Variants in DNAH8 observed in about 807,000 individuals in gnomAD.
DNAH8 encodes the protein dynein axonemal heavy chain 8, also known as axonemal beta dynein heavy chain 8.
Under a neutral mutation model 562.1 loss-of-function variants are expected in DNAH8, and 382 were observed. The ratio of observed to expected loss-of-function variants is 0.68; its 90% CI spans 0.63 to 0.74. The LOEUF (loss-of-function observed/expected upper bound fraction) is 0.74, where lower values mean the gene tolerates loss of function less well. DNAH8 is among the 30% of genes least tolerant of loss of function. The pLI is 0.00. For synonymous variants in DNAH8, 1,881 were observed against 1,919.4 expected, an observed-to-expected ratio of 0.98 and a Z score of 0.52; for missense variants, 5,203 against 5,620.4, an observed-to-expected ratio of 0.93 and a Z score of 2.37.
intron 59 of DNAH8, among the ~76,000 whole-genome samples, 184 bp downstream of exon 59, chr6:38,895,048 C>T (rs1184513396): frequency 1.3e-5 from 2 of 152,160 alleles, no homozygotes; most frequent in Admixed American, 1.3e-4. Context: ...CCAACTTCAG[C>T]CTCCCCCGTA....
chr6:38,827,246 C>T (rs1156646566), intron 29 of DNAH8, among the ~76,000 whole-genome samples: 1 of 152,130 alleles, frequency 6.6e-6, no homozygotes. Flanking sequence ...GGTAATCTCC[C>T]CATGGCAAGC....
chr6:38,815,797 A>G (rs760008884), intron 26 of DNAH8, 140 bp downstream of exon 26: 135 of 783,864 alleles, frequency 1.7e-4, no homozygotes, highest in Non-Finnish European at 2.2e-4. Flanking sequence ...ACGTGCAGGC[A>G]TTTTTTCCTG....
intron 82 of DNAH8, among the ~76,000 whole-genome samples, chr6:38,958,646 C>CAAAAAA (rs35382684): frequency 2.0e-4 from 12 of 58,842 alleles, no homozygotes; most frequent in South Asian, 6.6e-4. Context: ...AGTCTCCCAT[C>CAAAAAA]AAAAAAAAAA....
At chr6:38,983,348 G>C (rs1583504274) in intron 86 of DNAH8, among the ~76,000 whole-genome samples, 1 of 152,244 alleles carries the variant, frequency 6.6e-6, no homozygotes, top group African/African-American at 2.4e-5. Flanking sequence ...TCCGTAATGG[G>C]GTGGTAAGCC....
At chr6:38,927,906 A>T (rs150688687) in intron 74 of DNAH8, 1 of 152,228 alleles carries the variant, frequency 6.6e-6, no homozygotes, top group African/African-American at 2.4e-5. Context: ...CACTGCTGGG[A>T]TGGAAATAGA....
chr6:38,884,042 T>C (rs754020805), intron 56 of DNAH8, 44 bp downstream of exon 56: 1 of 1,263,212 alleles, frequency 7.9e-7, no homozygotes, highest in Non-Finnish European at 1.0e-6. Flanking sequence ...AATTTGTATT[T>C]TTATGTATAT....
chr6:38,792,997 G>C (rs2127659743), intron 21 of DNAH8, among the ~76,000 whole-genome samples: 1 of 152,176 alleles, frequency 6.6e-6, no homozygotes, highest in Non-Finnish European at 1.5e-5. Flanking sequence ...ACCCAGGCTG[G>C]TCTTGAACTC....
rs1271186054 is a variant in DNAH8, at chr6:38,863,988, A to T, written c.6426A>T (p.Arg2142Ser). 4 of 1,612,096 alleles carry T rather than the reference A, an allele frequency of 2.5e-6. No homozygotes were observed. The highest frequency in any genetic ancestry group is 3.4e-6 in the Non-Finnish European group (4 of 1,179,672). The change falls in exon 45 of 93, where the codon AGA becomes AGT. Residue 2142 changes from arginine (R) to serine (S), a missense_variant. Arg to Ser is a moderately radical substitution (Grantham distance 110, BLOSUM62 -1). Coordinates refer to ENST00000327475, the MANE Select transcript of DNAH8 (RefSeq NM_001206927.2). The stretch of plus-strand genomic sequence containing the variant: ...TTGTTTTGACAGCAAGAAAAGAAAG[A>T]AAGAAACAGTTCATTTTTTCTGATG... ...IYIVLTARKE[R>S]KKQFIFSDGD... is the part of the protein sequence containing the mutation.
At chr6:38,785,076 A>G (rs907437941) in intron 17 of DNAH8, among the ~76,000 whole-genome samples, 5 of 152,256 alleles carry the variant, frequency 3.3e-5, no homozygotes, top group Non-Finnish European at 5.9e-5. Flanking sequence ...AAGTGATCAC[A>G]TACAAACAAT....
At chr6:38,980,951 T>A (rs1174778609) in intron 85 of DNAH8, among the ~76,000 whole-genome samples, 2 of 151,960 alleles carry the variant, frequency 1.3e-5, no homozygotes, top group African/African-American at 2.4e-5. Flanking sequence ...GATTTTTTTT[T>A]AAATGGTGGA....
chr6:38,924,251 A>G (rs373893291), intron 73 of DNAH8, 89 bp downstream of exon 73: 8 of 1,329,948 alleles, frequency 6.0e-6, no homozygotes, highest in South Asian at 2.7e-5. Context: ...GGTGGCTCAC[A>G]TCTGTAATCC....
At chr6:38,962,694 T>A (rs1762678684) in intron 82 of DNAH8, among the ~76,000 whole-genome samples, 1 of 152,192 alleles carries the variant, frequency 6.6e-6, no homozygotes, top group Non-Finnish European at 1.5e-5. Context: ...ATTAGTTATA[T>A]ATTGTTGAGT....
chr6:38,884,081 T>G, intron 56 of DNAH8, 83 bp downstream of exon 56: 1 of 970,160 alleles, frequency 1.0e-6, no homozygotes, highest in Non-Finnish European at 1.3e-6. Flanking sequence ...TGTTAATAAC[T>G]TTGTTAAAAA....
chr6:38,832,155 G>A (rs970526975), intron 30 of DNAH8, among the ~76,000 whole-genome samples, 167 bp from the exon 31 acceptor site: 1 of 152,186 alleles, frequency 6.6e-6, no homozygotes. Flanking sequence ...AATGATTTGA[G>A]TCTCCTGTAG....
chr6:38,914,834 A>G (rs1781182167), intron 67 of DNAH8, among the ~76,000 whole-genome samples: 1 of 152,166 alleles, frequency 6.6e-6, no homozygotes, highest in African/African-American at 2.4e-5. Flanking sequence ...CTCAATAAAC[A>G]TTAGCTTCTT....
rs778390129 is a variant in DNAH8, at chr6:38,791,636, G to A, written c.2863G>A (p.Gly955Ser). 3.1e-6 allele frequency: 5 copies of A among 1,613,860 alleles called. No homozygotes were observed. The highest frequency in any genetic ancestry group is 4.2e-6 in the Non-Finnish European group (5 of 1,179,890). The change falls in exon 21 of 93, where the codon GGT (glycine) becomes AGT (serine). Residue 955 changes from glycine to serine, a missense_variant. By Grantham distance (56) the Gly-to-Ser change is moderately conservative (BLOSUM62 0). Transcript: ENST00000327475. ...KTVLISLPES[G>S]ATKVEDMLTL... ...TGTGTTGATTTCTCTGCCTGAAAGT[G>A]GTGCTACCAAAGTAGAAGATATGTT...
At chr6:38,799,169 A>T (rs1770556385) in intron 21 of DNAH8, among the ~76,000 whole-genome samples, 1 of 152,118 alleles carries the variant, frequency 6.6e-6, no homozygotes, top group Admixed American at 6.5e-5. Flanking sequence ...GATTATTCAT[A>T]ATTAAAATCA....
intron 79 of DNAH8, among the ~76,000 whole-genome samples, chr6:38,944,058 G>A (rs1156619970): frequency 2.6e-5 from 4 of 152,044 alleles, no homozygotes; most frequent in African/African-American, 4.8e-5. Context: ...TTCTTCTCCT[G>A]GTGTCTCTAA....
rs143295890 is a variant in DNAH8 at position 38,853,281 on chromosome 6, C to T, written c.5667C>T (p.Ser1889=). Residue 1889 remains serine (S), a synonymous_variant, in exon 41 of 93, where the codon TCC becomes TCT. Coordinates refer to ENST00000327475, the MANE Select transcript of DNAH8 (RefSeq NM_001206927.2). ...CATCATTACATAATATAATTAGATCCGCTTTCTATCAAATCAGTGATTCAG... is the reference window on the plus strand; with the variant it reads ...CATCATTACATAATATAATTAGATCTGCTTTCTATCAAATCAGTGATTCAG... ...QMSSLHNIIR[S]AFYQISDSGF... is the part of the protein sequence containing the mutation. 289 of 1,612,982 alleles carry T rather than the reference C, an allele frequency of 1.8e-4. No homozygotes were observed. The highest frequency in any genetic ancestry group is 6.6e-4 in the South Asian group (60 of 90,912).
Sources: gnomAD v4.1 joint callset for allele counts (sites outside exome capture counted in the v4.1 genomes callset) on GRCh38, gnomAD v4.1.1 for gene constraint, MANE v1.5 for transcripts, NCBI Gene and HGNC (gene_info 2026-07-23, HGNC 2026-07-21) for gene names.